TFDP2: variants seen among roughly 807,000 people sequenced by gnomAD.
TFDP2 encodes the protein transcription factor Dp-2, also known as transcription factor Dp-2 (E2F dimerization partner 2).
In TFDP2, 17 loss-of-function variants were observed where a neutral mutation model predicts 59.3. That is an observed-to-expected ratio of 0.29 (90% CI 0.20 to 0.43). TFDP2 has a LOEUF of 0.43. Among genes scored for constraint, TFDP2 ranks in the 20% least tolerant of loss-of-function variants. The probability of loss-of-function intolerance (pLI) is 1.00; values close to 1 mark genes in which losing one functional copy is unlikely to be tolerated. For synonymous variants in TFDP2, 180 were observed against 194.7 expected (o/e 0.92, Z 0.63); for missense variants, 391 against 528.8 (o/e 0.74, Z 2.56).
Position 142,132,965 on chromosome 3 carries a change from T to C in TFDP2, c.-93+16218A>G, listed in dbSNP as rs537997059. ...AAATTCAATATAATGATAATAAAAA[T>C]ACTAACAAACCATTTTATGGAGCTG... On this transcript the variant is annotated intron_variant, in intron 1 of 12. Coordinates refer to ENST00000489671, the MANE Select transcript of TFDP2 (RefSeq NM_001178139.2). Among the ~76,000 whole-genome samples, 32 of 149,682 alleles carry C rather than the reference T, an allele frequency of 2.1e-4. No homozygotes were observed. In the South Asian group the frequency reaches 2.5e-3, roughly 12 times the overall value.
intron 3 of TFDP2, among the ~76,000 whole-genome samples, chr3:142,021,951 A>C (rs945418237): frequency 1.3e-5 from 2 of 152,168 alleles, no homozygotes; most frequent in Non-Finnish European, 2.9e-5. Context: ...CTTTATCTTT[A>C]GTTAAAATAT....
chr3:142,057,347 T>C (rs779418166), intron 3 of TFDP2, among the ~76,000 whole-genome samples: 5 of 152,106 alleles, frequency 3.3e-5, no homozygotes, highest in Non-Finnish European at 7.4e-5. Flanking sequence ...AAAATGAAAA[T>C]ACAAGCAAAA....
intron 5 of TFDP2, chr3:141,994,400 G>A (rs1314616391): frequency 6.6e-6 from 1 of 152,114 alleles, no homozygotes; most frequent in Non-Finnish European, 1.5e-5. Context: ...ATGAGGTTTT[G>A]AGTAATTTAT....
At chr3:142,029,724 T>C (rs1462920052) in intron 3 of TFDP2, among the ~76,000 whole-genome samples, 2 of 152,176 alleles carry the variant, frequency 1.3e-5, no homozygotes, top group Non-Finnish European at 2.9e-5. Flanking sequence ...TAAAGATAAT[T>C]TACCAAGGTA....
chr3:141,997,675 C>T (rs1348004596), intron 4 of TFDP2, among the ~76,000 whole-genome samples: 3 of 151,376 alleles, frequency 2.0e-5, no homozygotes, highest in Admixed American at 2.0e-4. Context: ...TATGGTGAAA[C>T]CCTAACTCTC....
chr3:142,000,997 A>T (rs867815016), intron 4 of TFDP2, among the ~76,000 whole-genome samples: 1 of 152,142 alleles, frequency 6.6e-6, no homozygotes, highest in Non-Finnish European at 1.5e-5. Flanking sequence ...AGTCTTCTGC[A>T]TGTGGCTCTC....
intron 3 of TFDP2, among the ~76,000 whole-genome samples, chr3:142,079,069 T>G (rs1356008410): frequency 6.6e-6 from 1 of 151,880 alleles, no homozygotes; most frequent in Non-Finnish European, 1.5e-5. Flanking sequence ...AAAGAATCAG[T>G]GAGCTTGAAG....
chr3:141,982,142 G>C (rs1454067571), intron 6 of TFDP2, among the ~76,000 whole-genome samples: 1 of 151,736 alleles, frequency 6.6e-6, no homozygotes, highest in Admixed American at 6.6e-5. Flanking sequence ...CTTAATATAA[G>C]GAATGAATGT....
intron 3 of TFDP2, among the ~76,000 whole-genome samples, chr3:142,057,369 A>C (rs1354261498): frequency 2.6e-5 from 4 of 152,336 alleles, no homozygotes; most frequent in South Asian, 2.1e-4. Context: ...AATAAAGAAA[A>C]TTAGCAGAGC....
chr3:141,948,197 G>C lies in TFDP2; in HGVS notation c.*4316C>G, dbSNP rs1173552360. ...GGCAGGGACAGCCCATTTTGTTAGG[G>C]GAGGGAGCTTGATAGATATTAAAGG... On this transcript the variant is annotated 3_prime_UTR_variant, in exon 13 of 13. Transcript: ENST00000489671. 2.0e-5 allele frequency: 3 copies of C among 152,270 alleles called. No individual in the cohort carries two copies. The highest frequency in any genetic ancestry group is 2.9e-5 in the Non-Finnish European group (2 of 68,056). The allele number at this position is 152,270 out of a possible 1,614,324, so 9.4% of individuals were successfully genotyped here.
At chr3:142,056,807 T>C (rs912549079) in intron 3 of TFDP2, among the ~76,000 whole-genome samples, 2 of 152,112 alleles carry the variant, frequency 1.3e-5, no homozygotes, top group Admixed American at 1.3e-4. Context: ...ATGTGAGCCA[T>C]CCTGGAAGGA....
rs761071527 is a variant in TFDP2 at position 141,952,653 on chromosome 3, T to C, written c.1201A>G (p.Thr401Ala). ...CTGTTTGGGGCCAGGAACTGCCCAG[T>C]TGCTAAGGCCACTTCTGCATCCAAG... ...LCLDAEVALA[T>A]GQFLAPNSHQ... Residue 401 changes from threonine to alanine, a missense_variant, in exon 13 of 13, where the codon ACT (threonine) becomes GCT (alanine). Coordinates refer to ENST00000489671, the MANE Select transcript of TFDP2 (RefSeq NM_001178139.2). 3.1e-6 allele frequency: 5 copies of C among 1,603,838 alleles called. No homozygotes were observed. Among genetic ancestry groups the C allele is most frequent in the African/African-American group, 1.3e-5 (1 of 74,238 alleles).
chr3:142,061,895 C>T (rs1443812029), intron 3 of TFDP2, among the ~76,000 whole-genome samples: 1 of 62,802 alleles, frequency 1.6e-5, no homozygotes, highest in African/African-American at 9.7e-5. Flanking sequence ...TCTCTACACA[C>T]ACACACACAC....
At chr3:141,994,704 TA>T in intron 5 of TFDP2, 1 of 173,502 alleles carries the variant, frequency 5.8e-6, no homozygotes, top group Non-Finnish European at 1.2e-5. Flanking sequence ...CTGTGTGAGT[TA>T]AAAATATATA....
At position 142,034,843 on chromosome 3, in the gene TFDP2, G is replaced by T. The variant is rs1946615285; in HGVS notation, c.83-29299C>A. ...CGGCCTCAGCCTCCCAAGTAGCTGG[G>T]ACTACAGGCACCCGCCACCACACCC... On this transcript the variant is annotated intron_variant, in intron 3 of 12. Transcript: ENST00000489671. 1.3e-5 allele frequency among the ~76,000 whole-genome samples: 2 copies of T among 151,956 alleles called. 1 individual carries two copies. Among genetic ancestry groups the T allele is most frequent in the South Asian group, 4.2e-4 (2 of 4,818 alleles).
At chr3:142,098,390 G>A (rs2061229914) in intron 2 of TFDP2, among the ~76,000 whole-genome samples, 2 of 150,412 alleles carry the variant, frequency 1.3e-5, no homozygotes, top group South Asian at 4.2e-4. Context: ...CTATTTGATA[G>A]CAATTTCACC....
At chr3:142,006,444 G>GACCACACTCT (rs1944216279) in intron 3 of TFDP2, among the ~76,000 whole-genome samples, 1 of 150,558 alleles carries the variant, frequency 6.6e-6, no homozygotes. Context: ...TCCAAAACTT[G>GACCACACTCT]ACCACACTCT....
chr3:142,108,576 T>G (rs1560152226), intron 1 of TFDP2, among the ~76,000 whole-genome samples: 1 of 152,192 alleles, frequency 6.6e-6, no homozygotes, highest in African/African-American at 2.4e-5. Context: ...AACTTGACAG[T>G]TGTAAATTTC....
At chr3:142,096,095 T>G (rs1162827749) in intron 2 of TFDP2, among the ~76,000 whole-genome samples, 3 of 152,196 alleles carry the variant, frequency 2.0e-5, no homozygotes, top group Non-Finnish European at 4.4e-5. Context: ...TGGAAACTTT[T>G]TAAGCAGCTG....
Sources: gnomAD v4.1 joint callset for allele counts (sites outside exome capture counted in the v4.1 genomes callset) on GRCh38, gnomAD v4.1.1 for gene constraint, MANE v1.5 for transcripts, NCBI Gene and HGNC (gene_info 2026-07-23, HGNC 2026-07-21) for gene names.